The following PHLPP1 variants were observed in gnomAD, a reference collection of about 807,000 sequenced individuals.
The protein encoded by PHLPP1 is PH domain and leucine rich repeat protein phosphatase 1.
In PHLPP1, 42 loss-of-function variants were observed where a neutral mutation model predicts 117.2. The ratio of observed to expected loss-of-function variants is 0.36; its 90% CI spans 0.28 to 0.46. The LOEUF (loss-of-function observed/expected upper bound fraction) is 0.46. Ranked by LOEUF, PHLPP1 falls within the 20% of genes least tolerant of loss-of-function variation. PHLPP1 has a pLI of 1.00. For missense variants in PHLPP1, 2,084 were observed against 2,241.9 expected, an observed-to-expected ratio of 0.93 and a Z score of 1.42; for synonymous variants, 1,042 against 970.7, an observed-to-expected ratio of 1.07 and a Z score of -1.37.
At chr18:62,903,661 A>G (rs527754121) in intron 7 of PHLPP1, among the ~76,000 whole-genome samples, 10 of 152,000 alleles carry the variant, frequency 6.6e-5, no homozygotes, top group Non-Finnish European at 1.3e-4. Context: ...CTACTTGGGA[A>G]TGGGAAGCTG....
chr18:62,902,840 A>G (rs1916756586), intron 6 of PHLPP1, 124 bp from the exon 7 acceptor site: 7 of 637,130 alleles, frequency 1.1e-5, no homozygotes, highest in African/African-American at 1.8e-5. Context: ...TGAGATTCCA[A>G]AAATCATGGA....
In PHLPP1 at chr18:62,968,356, C is replaced by T. The variant is rs115479905; in HGVS notation, c.3561-4158C>T. On this transcript the variant is annotated intron_variant, in intron 14 of 16. Transcript: ENST00000262719. ...GCCTTCTTAAATATTTAAAAGAATT[C>T]ACCAGTGAAGCCATCTGTTCTGGGT... Among the ~76,000 whole-genome samples, 745 of 152,082 alleles carry T rather than the reference C, an allele frequency of 4.9e-3. 4 individuals carry two copies. Among genetic ancestry groups the T allele is most frequent in the African/African-American group, 0.017 (711 of 41,482 alleles).
At chr18:62,766,102 T>TATATATATATATATATATATATA (rs1491446982) in intron 1 of PHLPP1, among the ~76,000 whole-genome samples, 1 of 60,686 alleles carries the variant, frequency 1.6e-5, no homozygotes, top group Non-Finnish European at 3.5e-5. Flanking sequence ...TATATATATA[T>TATATATATATATATATATATATA]AAAATATATA....
At chr18:62,901,601 CTAGACTTA>C (rs779006840) in intron 6 of PHLPP1, among the ~76,000 whole-genome samples, 2 of 150,510 alleles carry the variant, frequency 1.3e-5, no homozygotes, top group Non-Finnish European at 3.0e-5. Context: ...TTCCTGTACT[CTAGACTTA>C]TATTAATACT....
Position 62,978,811 on chromosome 18 carries a change from A to T in PHLPP1, c.4534A>T (p.Ser1512Cys), listed in dbSNP as rs749055614. Residue 1512 changes from serine to cysteine, a missense_variant, in exon 17 of 17, where the codon AGT becomes TGT. Physicochemically the swap from Ser to Cys is moderately radical, Grantham distance 112. This residue lies in a region of PHLPP1 where 1,365 missense variants were observed against 1,605.9 expected (regional missense o/e 0.85). Transcript: ENST00000262719. The surrounding 1 kb of genome is among the most constrained non-coding windows in gnomAD (Gnocchi z 7.0). Reference sequence around the variant, plus strand: ...AAGCGAGAACAGCCCTGCCTACCCCAGTGAGCAGCGCTGCATGCTCCACCC... The same window carrying T: ...AAGCGAGAACAGCCCTGCCTACCCCTGTGAGCAGCGCTGCATGCTCCACCC... Reference protein sequence around the residue: ...ALSENSPAYPSEQRCMLHPIC... With the variant: ...ALSENSPAYPCEQRCMLHPIC... The T allele has an allele frequency of 6.2e-7, 1 of 1,611,268 alleles. No individual in the cohort carries two copies. The highest frequency in any genetic ancestry group is 1.7e-5 in the Admixed American group (1 of 59,664).
At chr18:62,970,232 C>T (rs1210215902) in intron 14 of PHLPP1, among the ~76,000 whole-genome samples, 1 of 152,114 alleles carries the variant, frequency 6.6e-6, no homozygotes, top group Non-Finnish European at 1.5e-5. Flanking sequence ...ATATGTACTT[C>T]TCCTTCTCCT....
intron 3 of PHLPP1, among the ~76,000 whole-genome samples, chr18:62,841,403 G>A (rs184562096): frequency 6.7e-6 from 1 of 149,522 alleles, no homozygotes; most frequent in East Asian, 2.0e-4. Context: ...GACGGTCTTG[G>A]CTCACTGCAA....
chr18:62,847,434 G>C (rs1188816181), intron 3 of PHLPP1, among the ~76,000 whole-genome samples: 3 of 152,184 alleles, frequency 2.0e-5, no homozygotes, highest in Non-Finnish European at 2.9e-5. Flanking sequence ...AAACCTTAAA[G>C]AAGTTTGGTT....
Position 62,978,450 on chromosome 18 carries a change from C to T in PHLPP1, c.4173C>T (p.Asn1391=), listed in dbSNP as rs747584157. ...SVEEAVEAVR[N]VPDALAAAKK... ...AGGAGGCCGTGGAAGCCGTGCGCAA[C>T]GTGCCCGATGCCCTGGCTGCTGCCA... Residue 1391 remains asparagine, a synonymous_variant, in exon 17 of 17, where the codon AAC becomes AAT. Coordinates refer to ENST00000262719, the MANE Select transcript of PHLPP1 (RefSeq NM_194449.4). This position sits in a 1 kb window ranked among gnomAD's most constrained non-coding sequence, Gnocchi z 7.0. 6.8e-6 allele frequency: 11 copies of T among 1,611,038 alleles called. No homozygotes were observed. Among genetic ancestry groups the T allele is most frequent in the East Asian group, 4.5e-5 (2 of 44,766 alleles).
At chr18:62,931,102 C>A (rs1450198023) in intron 10 of PHLPP1, among the ~76,000 whole-genome samples, 2 of 151,742 alleles carry the variant, frequency 1.3e-5, no homozygotes, top group African/African-American at 4.8e-5. Flanking sequence ...GAGGCTGAGG[C>A]AGGAGAATTG....
rs545273015 is a variant in PHLPP1, at chr18:62,755,245, C to T, written c.1576+37986C>T. 9.2e-5 allele frequency among the ~76,000 whole-genome samples: 14 copies of T among 151,988 alleles called. No homozygotes were observed. The South Asian group carries it at 1.9e-3, about 20-fold the overall frequency. On this transcript the variant is annotated intron_variant, in intron 1 of 16. Transcript: ENST00000262719. Reference sequence around the variant, plus strand: ...TTGAAAAGCACTTCTGTAACTAGCCCGGACGTCCAAAACCTGATCCTGTCA... The same window carrying T: ...TTGAAAAGCACTTCTGTAACTAGCCTGGACGTCCAAAACCTGATCCTGTCA...
At chr18:62,786,511 C>A (rs1192650928) in intron 1 of PHLPP1, among the ~76,000 whole-genome samples, 1 of 152,162 alleles carries the variant, frequency 6.6e-6, no homozygotes, top group Non-Finnish European at 1.5e-5. Context: ...ACTAATCTCG[C>A]TGCCTTATTT....
At position 62,833,812 on chromosome 18, in the gene PHLPP1, C is replaced by G. The variant is rs77890750; in HGVS notation, c.1773+3581C>G. ...TGCTGATGGACATTTGGGTTGCTTT[C>G]AGTTTGTTGTTGTTATAATAACAAC... On this transcript the variant is annotated intron_variant, in intron 2 of 16. Transcript: ENST00000262719. Among the ~76,000 whole-genome samples, 1,261 of 152,168 alleles carry G rather than the reference C, an allele frequency of 8.3e-3. 21 individuals are homozygous for G. Among genetic ancestry groups the G allele is most frequent in the African/African-American group, 0.029 (1,207 of 41,506 alleles).
chr18:62,935,512 C>T (rs1909943266), intron 10 of PHLPP1, among the ~76,000 whole-genome samples: 1 of 152,076 alleles, frequency 6.6e-6, no homozygotes, highest in Non-Finnish European at 1.5e-5. Context: ...TCAAGTTAGA[C>T]AAATTGATGC....
Position 62,716,654 on chromosome 18 carries a change from G to A in PHLPP1, c.971G>A (p.Ser324Asn), listed in dbSNP as rs1910750325. 7.0e-7 allele frequency: 1 copy of A among 1,429,296 alleles called. No individual in the cohort carries two copies. The allele number at this position is 1,429,296 out of a possible 1,614,324, so 88.5% of individuals were successfully genotyped here. The change falls in exon 1 of 17, where the codon AGC becomes AAC. Residue 324 changes from serine (S) to asparagine (N), a missense_variant. Physicochemically the swap from Ser to Asn is conservative, Grantham distance 46. Transcript: ENST00000262719. This position sits in a 1 kb window ranked among gnomAD's most constrained non-coding sequence, Gnocchi z 5.7. ...GCCAGCCCAGCGCCCTCGGACTCCAGCCCCGGCGAGCCGTTCGTTGGGGGC... is the reference window on the plus strand; with the variant it reads ...GCCAGCCCAGCGCCCTCGGACTCCAACCCCGGCGAGCCGTTCGTTGGGGGC... ...RRASPAPSDS[S>N]PGEPFVGGPV...
chr18:62,715,745 C>A lies in PHLPP1; in HGVS notation c.62C>A (p.Ala21Asp), dbSNP rs904661724. ...CCCGAGCTCGGCAGGGAGGACCGAG[C>A]TTCGGCTCCGGCGGCCGCCGCTGCG... ...RLPELGREDRASAPAAAAAAA... is the reference protein window; with the variant it reads ...RLPELGREDRDSAPAAAAAAA... Residue 21 changes from alanine to aspartate, a missense_variant, in exon 1 of 17, where the codon GCT becomes GAT. Ala to Asp is a moderately radical substitution (Grantham distance 126, BLOSUM62 -2). Around this residue, in one of 2 missense-constraint regions of PHLPP1, gnomAD observed 719 missense variants for 636.0 expected, o/e 1.13. Transcript: ENST00000262719. 16 of 1,209,490 alleles carry A rather than the reference C, an allele frequency of 1.3e-5. No homozygotes were observed. In the Middle Eastern group the frequency reaches 1.9e-3, roughly 143 times the overall value. 74.9% of individuals were successfully genotyped at this position (1,209,490 alleles called of 1,614,324 possible). A position where few individuals can be genotyped will look rare whatever the true frequency, so the allele number is the denominator to read the frequency against.
chr18:62,849,826 A>ATATATATATATATATATATATATATAT (rs1371664083), intron 3 of PHLPP1, among the ~76,000 whole-genome samples: 19 of 33,810 alleles, frequency 5.6e-4, no homozygotes, highest in Non-Finnish European at 1.0e-3. Context: ...AAAAAAAAAA[A>ATATATATATATATATATATATATATAT]AAAAAAATAT....
intron 4 of PHLPP1, among the ~76,000 whole-genome samples, chr18:62,866,611 T>C (rs1915777091): frequency 6.6e-6 from 1 of 152,194 alleles, no homozygotes; most frequent in Non-Finnish European, 1.5e-5. Context: ...TCTGCATTTT[T>C]TAAATTTGAG....
At chr18:62,967,545 A>T (rs1303091503) in intron 14 of PHLPP1, among the ~76,000 whole-genome samples, 1 of 152,100 alleles carries the variant, frequency 6.6e-6, no homozygotes, top group African/African-American at 2.4e-5. Context: ...TTCATTCACA[A>T]TCAAATGTGA....
Sources: gnomAD v4.1 joint callset for allele counts (sites outside exome capture counted in the v4.1 genomes callset) on GRCh38, gnomAD v4.1.1 for gene constraint, gnomAD v4.1.1 regional missense constraint, Gnocchi (gnomAD v3.1) non-coding constraint, MANE v1.5 for transcripts, NCBI Gene and HGNC (gene_info 2026-07-23, HGNC 2026-07-21) for gene names.